Variants in KLHL32 observed in about 807,000 individuals in gnomAD.
KLHL32 encodes kelch-like protein 32.
KLHL32 carries 35 observed loss-of-function variants against 64.8 expected under a neutral mutation model. That is an observed-to-expected ratio of 0.54 (90% CI 0.41 to 0.72). KLHL32 has a LOEUF of 0.72. Ranked by LOEUF, KLHL32 falls within the 30% of genes least tolerant of loss-of-function variation. KLHL32 has a pLI of 0.00. For missense variants in KLHL32, 589 were observed against 768.5 expected (o/e 0.77, Z 2.76); for synonymous variants, 259 against 281.0 (o/e 0.92, Z 0.78).
In KLHL32 at chr6:96,976,159, A is replaced by G. The variant is rs1775668102; in HGVS notation, c.186A>G (p.Ala62=). 3 of 1,571,366 alleles carry G rather than the reference A, an allele frequency of 1.9e-6. No individual in the cohort carries two copies. Among genetic ancestry groups the G allele is most frequent in the East Asian group, 2.3e-5 (1 of 43,280 alleles). ...KFHAHKAVLA[A]CSDYFRAMFS... is the part of the protein sequence containing the mutation. ...ATGCTCACAAGGCAGTCCTAGCAGCATGCAGTGACTATTTCCGGGTAAGTC... is the reference window on the plus strand; with the variant it reads ...ATGCTCACAAGGCAGTCCTAGCAGCGTGCAGTGACTATTTCCGGGTAAGTC... Residue 62 remains alanine (A), a synonymous_variant, in exon 3 of 11, where the codon GCA becomes GCG. Transcript: ENST00000369261.
chr6:96,925,567 T>A (rs557272571), intron 1 of KLHL32, among the ~76,000 whole-genome samples: 2 of 152,336 alleles, frequency 1.3e-5, no homozygotes, highest in South Asian at 4.1e-4. Flanking sequence ...GACTGCAGTT[T>A]AGATCCCTTC....
chr6:97,095,297 G>A (rs2128189782), intron 6 of KLHL32, among the ~76,000 whole-genome samples: 1 of 152,340 alleles, frequency 6.6e-6, no homozygotes, highest in South Asian at 2.1e-4. Context: ...ACTCTTTGGA[G>A]TGAAGCCCCA....
chr6:96,909,874 T>C, the KLHL32 span, among the ~76,000 whole-genome samples: 1 of 152,182 alleles, frequency 6.6e-6, no homozygotes, highest in South Asian at 2.1e-4. Flanking sequence ...CCTGCTGGTA[T>C]TGTAAAAAAT....
At chr6:97,027,455 A>G (rs1276674652) in intron 3 of KLHL32, among the ~76,000 whole-genome samples, 1 of 152,204 alleles carries the variant, frequency 6.6e-6, no homozygotes, top group Non-Finnish European at 1.5e-5. Flanking sequence ...TTTGAATTCC[A>G]TAGGAATATT....
At chr6:97,053,291 A>G (rs1766466) in intron 4 of KLHL32, among the ~76,000 whole-genome samples, 22,735 of 152,170 alleles carry the variant, frequency 0.15, 1,807 homozygotes, top group African/African-American at 0.21. Flanking sequence ...TTGGAATCCC[A>G]GAGGGATCTT....
chr6:97,137,833 A>G (rs1800210321), intron 10 of KLHL32, among the ~76,000 whole-genome samples: 1 of 152,114 alleles, frequency 6.6e-6, no homozygotes, highest in South Asian at 2.1e-4. Flanking sequence ...CGCCCAGCCT[A>G]TTGCAGTTAA....
At chr6:97,073,732 A>G (rs1360707333) in intron 5 of KLHL32, among the ~76,000 whole-genome samples, 1 of 152,182 alleles carries the variant, frequency 6.6e-6, no homozygotes, top group Non-Finnish European at 1.5e-5. Flanking sequence ...GTATTTATTT[A>G]AAAGAAAAAA....
At chr6:97,008,865 C>T (rs1780006916) in intron 3 of KLHL32, among the ~76,000 whole-genome samples, 1 of 151,814 alleles carries the variant, frequency 6.6e-6, no homozygotes, top group African/African-American at 2.4e-5. Flanking sequence ...ATGTCCCTGT[C>T]TCTTGATGGG....
chr6:96,909,501 G>A, the KLHL32 span, among the ~76,000 whole-genome samples: 1 of 152,140 alleles, frequency 6.6e-6, no homozygotes, highest in South Asian at 2.1e-4. Context: ...TACTCTGTTC[G>A]CACTGTTGTG....
intron 3 of KLHL32, among the ~76,000 whole-genome samples, chr6:97,027,844 A>AT (rs1782958504): frequency 6.6e-6 from 1 of 152,222 alleles, no homozygotes; most frequent in South Asian, 2.1e-4. Flanking sequence ...GACTCCGAGA[A>AT]TTCAGATTAG....
intron 1 of KLHL32, among the ~76,000 whole-genome samples, chr6:96,925,860 A>G (rs1193818042): frequency 6.6e-6 from 1 of 152,212 alleles, no homozygotes; most frequent in Non-Finnish European, 1.5e-5. Flanking sequence ...CTTATTGATT[A>G]TTTTTAGATC....
At chr6:96,973,451 A>G (rs1775325740) in intron 2 of KLHL32, among the ~76,000 whole-genome samples, 1 of 152,210 alleles carries the variant, frequency 6.6e-6, no homozygotes, top group Non-Finnish European at 1.5e-5. Context: ...AAGGTGATAT[A>G]AAAGTGGAGA....
At chr6:96,994,811 A>G (rs1453042508) in intron 3 of KLHL32, among the ~76,000 whole-genome samples, 1 of 152,214 alleles carries the variant, frequency 6.6e-6, no homozygotes, top group Non-Finnish European at 1.5e-5. Context: ...AGCATTAGCC[A>G]GATGCTGTAA....
At chr6:97,083,260 C>T (rs991156846) in intron 5 of KLHL32, among the ~76,000 whole-genome samples, 5 of 152,176 alleles carry the variant, frequency 3.3e-5, no homozygotes, top group Middle Eastern at 3.4e-3. Flanking sequence ...TGCGATGGCA[C>T]GCGCCTGTGG....
intron 1 of KLHL32, among the ~76,000 whole-genome samples, chr6:96,934,381 T>C (rs1446308370): frequency 1.3e-5 from 2 of 152,210 alleles, no homozygotes; most frequent in East Asian, 1.9e-4. Flanking sequence ...CTGCTTCTTA[T>C]TCCTACCTTC....
At chr6:97,099,943 A>G (rs111539573) in intron 6 of KLHL32, among the ~76,000 whole-genome samples, 1,909 of 151,992 alleles carry the variant, frequency 0.013, 43 homozygotes, top group African/African-American at 0.043. Context: ...TATTATTTGT[A>G]TGATCAGCTT....
intron 7 of KLHL32, among the ~76,000 whole-genome samples, chr6:97,118,699 A>G (rs1375912409): frequency 6.6e-6 from 1 of 151,854 alleles, no homozygotes; most frequent in Non-Finnish European, 1.5e-5. Flanking sequence ...TGGTGCACTG[A>G]GACCACAGAC....
At chr6:97,119,190 G>T (rs933838633) in intron 7 of KLHL32, among the ~76,000 whole-genome samples, 1 of 152,120 alleles carries the variant, frequency 6.6e-6, no homozygotes, top group Non-Finnish European at 1.5e-5. Flanking sequence ...TAGCAGGAGG[G>T]CTTGGTATGG....
At chr6:97,130,162 T>C (rs1242869005) in intron 8 of KLHL32, among the ~76,000 whole-genome samples, 1 of 152,164 alleles carries the variant, frequency 6.6e-6, no homozygotes, top group East Asian at 1.9e-4. Flanking sequence ...TTTGAAAAAA[T>C]GAATATGTAT....
Sources: gnomAD v4.1 joint callset for allele counts (sites outside exome capture counted in the v4.1 genomes callset) on GRCh38, gnomAD v4.1.1 for gene constraint, MANE v1.5 for transcripts, NCBI Gene and HGNC (gene_info 2026-07-23, HGNC 2026-07-21) for gene names.